RHD: variants seen among roughly 807,000 people sequenced by gnomAD.
RHD encodes Rh blood group D antigen.
Under a neutral mutation model 45.5 loss-of-function variants are expected in RHD, and 16 were observed. The observed-to-expected ratio is 0.35, with a 90% confidence interval of 0.24 to 0.53. RHD has a LOEUF of 0.53. Among genes scored for constraint, RHD ranks in the 20% least tolerant of loss-of-function variants. The pLI is 0.92. For synonymous variants in RHD, 131 were observed against 217.5 expected, an observed-to-expected ratio of 0.60 and a Z score of 3.50; for missense variants, 306 against 532.0, an observed-to-expected ratio of 0.58 and a Z score of 4.18.
In RHD at chr1:25,287,123, A is replaced by T. The variant is rs115025156; in HGVS notation, c.335+2364A>T. Among the ~76,000 whole-genome samples the T allele has an allele frequency of 7.8e-3, 1,049 of 135,098 alleles. 145 individuals are homozygous for T. The highest frequency in any genetic ancestry group is 0.025 in the African/African-American group (978 of 39,132). 88.6% of individuals were successfully genotyped at this position (135,098 alleles called of 152,430 possible). The stretch of plus-strand genomic sequence containing the variant: ...CAAAACAAAACAAAAACAGTCTATG[A>T]GTTAATTCCCACCAGAATTCAATAC... On this transcript the variant is annotated intron_variant, in intron 2 of 9. Transcript: ENST00000328664.
intron 2 of RHD, 78 bp from the exon 3 acceptor site, chr1:25,290,563 G>GA: frequency 9.1e-7 from 1 of 1,099,794 alleles, no homozygotes; most frequent in Non-Finnish European, 1.4e-6. Flanking sequence ...AAGAATGAAT[G>GA]AATGAATGAA....
Position 25,329,233 on chromosome 1 carries a change from C to CTTT in RHD, c.*309_*310insTTT. On this transcript the variant is annotated 3_prime_UTR_variant, in exon 10 of 10. Coordinates refer to ENST00000328664, the MANE Select transcript of RHD (RefSeq NM_016124.6). ...AAGCTAAGGTTAATTTATTATTATT[C>CTTT]CTTGTTTTTTTTTTTTTTTTTTTTT... The CTTT allele has an allele frequency of 2.3e-6, 1 of 434,404 alleles. No homozygotes were observed. Among genetic ancestry groups the CTTT allele is most frequent in the Non-Finnish European group, 4.1e-6 (1 of 244,228 alleles). 26.9% of individuals were successfully genotyped at this position (434,404 alleles called of 1,614,324 possible).
rs556599535 is a variant in RHD, at chr1:25,329,132, A to T, written c.*208A>T. The T allele has an allele frequency of 6.9e-6, 8 of 1,162,400 alleles. 1 individual carries two copies. The South Asian group carries it at 1.1e-4, about 15-fold the overall frequency. The allele number at this position is 1,162,400 out of a possible 1,614,324, so 72.0% of individuals were successfully genotyped here. A position where few individuals can be genotyped will look rare whatever the true frequency, so the allele number is the denominator to read the frequency against. Reference sequence around the variant, plus strand: ...TTTATTATGCACTGTAGAATACAACAATAAAATACAGCCATGTACCACATA... The same window carrying T: ...TTTATTATGCACTGTAGAATACAACTATAAAATACAGCCATGTACCACATA... On this transcript the variant is annotated 3_prime_UTR_variant, in exon 10 of 10. Coordinates refer to ENST00000328664, the MANE Select transcript of RHD (RefSeq NM_016124.6).
chr1:25,274,956 AAAC>A (rs1640822074), intron 1 of RHD, among the ~76,000 whole-genome samples: 1 of 132,098 alleles, frequency 7.6e-6, no homozygotes, highest in Non-Finnish European at 1.8e-5. Context: ...TCAAAAAACC[AAAC>A]AACAAAAACA....
At position 25,292,373 on chromosome 1, in the gene RHD, G is replaced by A. The variant is rs1415490946; in HGVS notation, c.486+1582G>A. The stretch of plus-strand genomic sequence containing the variant: ...GAAGCAGGTGGAGACCAGAGCGGCA[G>A]TGATTGCCATCATCCAGACTCAGAC... On this transcript the variant is annotated intron_variant, in intron 3 of 9. Transcript: ENST00000328664. Among the ~76,000 whole-genome samples, 5 of 132,706 alleles carry A rather than the reference G, an allele frequency of 3.8e-5. 1 individual carries two copies. The East Asian group carries it at 9.8e-4, about 26-fold the overall frequency. The allele number at this position is 132,706 out of a possible 152,430, so 87.1% of individuals were successfully genotyped here.
chr1:25,311,504 G>A lies in RHD; in HGVS notation c.1073+4775G>A, dbSNP rs188412484. Reference sequence around the variant, plus strand: ...CGCGCCACTGCACTCCAGCCTGGGCGACAGAGCAAAACTCCGTCTCAAAAA... The same window carrying A: ...CGCGCCACTGCACTCCAGCCTGGGCAACAGAGCAAAACTCCGTCTCAAAAA... On this transcript the variant is annotated intron_variant, in intron 7 of 9. Transcript: ENST00000328664. 1.6e-3 allele frequency among the ~76,000 whole-genome samples: 209 copies of A among 128,908 alleles called. 30 individuals are homozygous for A. The highest frequency in any genetic ancestry group is 5.0e-3 in the African/African-American group (190 of 37,980). The allele number at this position is 128,908 out of a possible 152,430, so 84.6% of individuals were successfully genotyped here.
chr1:25,291,093 CCGAG>C, intron 3 of RHD, among the ~76,000 whole-genome samples: 1 of 129,796 alleles, frequency 7.7e-6, no homozygotes, highest in Admixed American at 7.5e-5. Context: ...GAGTTAGGGA[CCGAG>C]CTGGGCAACA....
In RHD at chr1:25,313,319, C is replaced by G. The variant is rs546175525; in HGVS notation, c.1074-3681C>G. 3.0e-5 allele frequency among the ~76,000 whole-genome samples: 4 copies of G among 132,302 alleles called. 1 individual carries two copies. Among genetic ancestry groups the G allele is most frequent in the African/African-American group, 7.7e-5 (3 of 38,862 alleles). 86.8% of individuals were successfully genotyped at this position (132,302 alleles called of 152,430 possible). On this transcript the variant is annotated intron_variant, in intron 7 of 9. Transcript: ENST00000328664. Reference sequence around the variant, plus strand: ...ACTTCCCAGCCTCCAGAACCATGAGCTATATATACTTATTTTACAAATTAC... The same window carrying G: ...ACTTCCCAGCCTCCAGAACCATGAGGTATATATACTTATTTTACAAATTAC...
rs563169275 is a variant in RHD at position 25,286,154 on chromosome 1, T to C, written c.335+1395T>C. Among the ~76,000 whole-genome samples, 10 of 135,322 alleles carry C rather than the reference T, an allele frequency of 7.4e-5. No individual in the cohort carries two copies. The South Asian group carries it at 8.8e-4, about 12-fold the overall frequency. The allele number at this position is 135,322 out of a possible 152,430, so 88.8% of individuals were successfully genotyped here. A position where few individuals can be genotyped will look rare whatever the true frequency, so the allele number is the denominator to read the frequency against. On this transcript the variant is annotated intron_variant, in intron 2 of 9. Coordinates refer to ENST00000328664, the MANE Select transcript of RHD (RefSeq NM_016124.6). ...GAAACACAGTCTAGCCAGCTCCCGATTGGCCCTGGAGGGAAAAAACTTTAT... is the reference window on the plus strand; with the variant it reads ...GAAACACAGTCTAGCCAGCTCCCGACTGGCCCTGGAGGGAAAAAACTTTAT...
chr1:25,296,523 G>A (rs1332292533), intron 3 of RHD, among the ~76,000 whole-genome samples: 1 of 126,672 alleles, frequency 7.9e-6, no homozygotes, highest in Non-Finnish European at 1.9e-5. Context: ...GAGATTACAG[G>A]CGTGGGCCAC....
At chr1:25,319,303 T>A (rs1644575386) in intron 8 of RHD, among the ~76,000 whole-genome samples, 1 of 132,538 alleles carries the variant, frequency 7.5e-6, no homozygotes, top group Admixed American at 7.4e-5. Context: ...TCTTTACATG[T>A]TGTTTTTGAC....
At position 25,319,560 on chromosome 1, in the gene RHD, G is replaced by A. The variant is rs1164680584; in HGVS notation, c.1154-2329G>A. Among the ~76,000 whole-genome samples the A allele has an allele frequency of 3.8e-5, 5 of 132,240 alleles. 2 individuals are homozygous for A. Among genetic ancestry groups the A allele is most frequent in the Non-Finnish European group, 9.0e-5 (5 of 55,850 alleles). The allele number at this position is 132,240 out of a possible 152,430, so 86.8% of individuals were successfully genotyped here. On this transcript the variant is annotated intron_variant, in intron 8 of 9. Coordinates refer to ENST00000328664, the MANE Select transcript of RHD (RefSeq NM_016124.6). ...GGAGGCAGAAGTTGCAGTGAGCTGA[G>A]ATCATGCCACTGCACTCCAGCCTGG...
In RHD at chr1:25,329,250, T is replaced by TTG; in HGVS notation, c.*327_*328insGT. 1 of 648,458 alleles carries TTG rather than the reference T, an allele frequency of 1.5e-6. No homozygotes were observed. The highest frequency in any genetic ancestry group is 2.5e-6 in the Non-Finnish European group (1 of 405,260). The allele number at this position is 648,458 out of a possible 1,614,324, so 40.2% of individuals were successfully genotyped here. On this transcript the variant is annotated 3_prime_UTR_variant, in exon 10 of 10. Transcript: ENST00000328664. ...TTATTATTCCTTGTTTTTTTTTTTTTTTTTTTTTTTTTGAGATGTAGTCTT... is the reference window on the plus strand; with the variant it reads ...TTATTATTCCTTGTTTTTTTTTTTTTTGTTTTTTTTTTTTGAGATGTAGTCTT...
chr1:25,288,184 A>C (rs1234313613), intron 2 of RHD, among the ~76,000 whole-genome samples: 1 of 129,270 alleles, frequency 7.7e-6, no homozygotes, highest in Admixed American at 7.5e-5. Context: ...CGCCTAGCTG[A>C]TTTTTCTATT....
chr1:25,296,283 A>G (rs1642952300), intron 3 of RHD, among the ~76,000 whole-genome samples: 1 of 126,234 alleles, frequency 7.9e-6, no homozygotes, highest in African/African-American at 2.8e-5. Context: ...TGCTCCATCA[A>G]TCACCCAGGC....
rs1394310630 is a variant in RHD at position 25,274,412 on chromosome 1, G to T, written c.148+1717G>T. The stretch of plus-strand genomic sequence containing the variant: ...GGTTAGCAGCCACTATTCCAACCCT[G>T]TAGATTGACTCTAGGGTCCATGTTC... On this transcript the variant is annotated intron_variant, in intron 1 of 9. Coordinates refer to ENST00000328664, the MANE Select transcript of RHD (RefSeq NM_016124.6). Among the ~76,000 whole-genome samples the T allele has an allele frequency of 9.1e-5, 12 of 132,306 alleles. 2 individuals carry two copies. Among genetic ancestry groups the T allele is most frequent in the Admixed American group, 8.8e-4 (12 of 13,580 alleles). The allele number at this position is 132,306 out of a possible 152,430, so 86.8% of individuals were successfully genotyped here.
At chr1:25,288,175 G>A (rs1332992692) in intron 2 of RHD, among the ~76,000 whole-genome samples, 1 of 130,778 alleles carries the variant, frequency 7.6e-6, no homozygotes, top group African/African-American at 2.6e-5. Context: ...ACACCACCAC[G>A]CCTAGCTGAT....
chr1:25,284,787 T>C lies in RHD; in HGVS notation c.335+28T>C, dbSNP rs1366681134. 3.6e-6 allele frequency: 5 copies of C among 1,382,216 alleles called. No individual in the cohort carries two copies. In the East Asian group the frequency reaches 8.9e-5, roughly 25 times the overall value. The allele number at this position is 1,382,216 out of a possible 1,614,324, so 85.6% of individuals were successfully genotyped here. A position where few individuals can be genotyped will look rare whatever the true frequency, so the allele number is the denominator to read the frequency against. ...ATTGGGATGGTGGCTGGATCACTTCTGGGTCATAGAGGGAATGGACCCCGA... is the reference window on the plus strand; with the variant it reads ...ATTGGGATGGTGGCTGGATCACTTCCGGGTCATAGAGGGAATGGACCCCGA... On this transcript the variant is annotated intron_variant, in intron 2 of 9. Transcript: ENST00000328664.
intron 1 of RHD, among the ~76,000 whole-genome samples, chr1:25,279,899 C>G (rs1641324398): frequency 7.7e-6 from 1 of 129,178 alleles, no homozygotes; most frequent in African/African-American, 2.7e-5. Context: ...GCTTATCAAA[C>G]CAGCAGCTGA....
Sources: gnomAD v4.1 joint callset for allele counts (sites outside exome capture counted in the v4.1 genomes callset) on GRCh38, gnomAD v4.1.1 for gene constraint, MANE v1.5 for transcripts, NCBI Gene and HGNC (gene_info 2026-07-23, HGNC 2026-07-21) for gene names.